Variants in TLL1 observed in about 807,000 individuals in gnomAD.
TLL1 encodes the protein tolloid like 1.
Under a neutral mutation model 128.2 loss-of-function variants are expected in TLL1, and 49 were observed. The observed-to-expected ratio is 0.38, with a 90% CI of 0.30 to 0.48. The LOEUF (loss-of-function observed/expected upper bound fraction) is 0.48. Among genes scored for constraint, TLL1 ranks in the 20% least tolerant of loss-of-function variants. The pLI is 0.96. For synonymous variants in TLL1, 454 were observed against 418.8 expected (o/e 1.08, Z -1.03); for missense variants, 1,123 against 1,242.0 (o/e 0.90, Z 1.44).
chr4:166,013,780 C>G (rs1262975821), intron 7 of TLL1, among the ~76,000 whole-genome samples: 1 of 151,802 alleles, frequency 6.6e-6, no homozygotes, highest in East Asian at 1.9e-4. Context: ...TCCCAAACAA[C>G]TCACTATCTG....
chr4:165,974,289 C>T (rs186165797), intron 1 of TLL1, among the ~76,000 whole-genome samples: 3,630 of 142,304 alleles, frequency 0.026, 129 homozygotes, highest in Non-Finnish European at 0.038. Context: ...TACAGGCGCC[C>T]GCCACTACGC....
intron 1 of TLL1, among the ~76,000 whole-genome samples, chr4:165,968,745 G>A (rs371383753): frequency 2.4e-4 from 36 of 152,082 alleles, no homozygotes; most frequent in Admixed American, 5.2e-4. Flanking sequence ...CCAAAATGTC[G>A]TTTTTTTCTA....
intron 1 of TLL1, among the ~76,000 whole-genome samples, chr4:165,980,752 G>A (rs1324199897): frequency 1.3e-5 from 2 of 152,060 alleles, no homozygotes; most frequent in Non-Finnish European, 2.9e-5. Flanking sequence ...AAGTTGTTAA[G>A]AGAGCCTACT....
intron 1 of TLL1, 86 bp from the exon 2 acceptor site, chr4:165,989,294 AT>A: frequency 9.8e-7 from 1 of 1,016,658 alleles, no homozygotes; most frequent in East Asian, 2.5e-5. Context: ...ACGTTTCCAT[AT>A]TTTTAACAAT....
intron 13 of TLL1, among the ~76,000 whole-genome samples, chr4:166,056,449 A>G (rs1740011518): frequency 2.0e-5 from 3 of 151,898 alleles, no homozygotes; most frequent in Admixed American, 2.0e-4. Context: ...TACAGTATGT[A>G]TATTTATTAA....
At chr4:166,029,988 T>A (rs886271492) in intron 9 of TLL1, among the ~76,000 whole-genome samples, 1 of 152,086 alleles carries the variant, frequency 6.6e-6, no homozygotes, top group African/African-American at 2.4e-5. Context: ...TGTTTTCAAG[T>A]ATTTTGATTA....
In TLL1 at chr4:166,100,723, T is replaced by C. The variant is rs1261714781; in HGVS notation, c.2908-19T>C. ...TTTTATTGCTTGTTTACTTGCTTGT[T>C]GTTTTTGTTTTCCTTCAGCCACCAG... On this transcript the variant is annotated intron_variant, in intron 20 of 20. Coordinates refer to ENST00000061240, the MANE Select transcript of TLL1 (RefSeq NM_012464.5). 13 of 1,612,416 alleles carry C rather than the reference T, an allele frequency of 8.1e-6. No homozygotes were observed. Among genetic ancestry groups the C allele is most frequent in the Non-Finnish European group, 1.0e-5 (12 of 1,179,018 alleles).
intron 7 of TLL1, 55 bp downstream of exon 7, chr4:166,008,103 C>A: frequency 1.6e-6 from 2 of 1,290,190 alleles, no homozygotes; most frequent in Non-Finnish European, 2.3e-6. Flanking sequence ...CCATGTGGCT[C>A]CTCACAAAGC....
Position 165,994,447 on chromosome 4 carries a change from A to G in TLL1, c.428A>G (p.Asn143Ser), listed in dbSNP as rs1286653471. ...PLQFSGQNEK[N>S]RVPRAATSRT... ...CAATTCTCAGGGCAAAATGAGAAAA[A>G]TCGAGTTCCCAGAGCCGCTACATCA... The change falls in exon 4 of 21, where the codon AAT becomes AGT. Residue 143 changes from asparagine to serine, a missense_variant. By Grantham distance (46) the Asn-to-Ser change is conservative (BLOSUM62 1). This residue lies in a region of TLL1 where 480 missense variants were observed against 542.4 expected (regional missense o/e 0.89). Coordinates refer to ENST00000061240, the MANE Select transcript of TLL1 (RefSeq NM_012464.5). 12 of 1,613,934 alleles carry G rather than the reference A, an allele frequency of 7.4e-6. No homozygotes were observed. Among genetic ancestry groups the G allele is most frequent in the South Asian group, 6.6e-5 (6 of 91,086 alleles).
Position 166,043,395 on chromosome 4 carries a change from C to T in TLL1, c.1500C>T (p.Val500=). The T allele has an allele frequency of 6.2e-7, 1 of 1,614,084 alleles. No homozygotes were observed. Among genetic ancestry groups the T allele is most frequent in the Non-Finnish European group, 8.5e-7 (1 of 1,179,966 alleles). ...TAACAGTGTCTGAGAGCTACCACGT[C>T]GGGCTGACCTTTCAGTCCTTTGAGG... is the stretch of plus-strand genomic sequence containing the variant. ...WKITVSESYH[V]GLTFQSFEIE... Residue 500 remains valine (V), a synonymous_variant, in exon 12 of 21, where the codon GTC becomes GTT. Coordinates refer to ENST00000061240, the MANE Select transcript of TLL1 (RefSeq NM_012464.5).
At chr4:165,962,144 T>G (rs1254443998) in intron 1 of TLL1, among the ~76,000 whole-genome samples, 1 of 152,166 alleles carries the variant, frequency 6.6e-6, no homozygotes, top group African/African-American at 2.4e-5. Flanking sequence ...AAGAAGCTTA[T>G]GGAGTGGGAG....
intron 1 of TLL1, among the ~76,000 whole-genome samples, chr4:165,965,609 G>C (rs559372086): frequency 1.5e-4 from 23 of 152,304 alleles, no homozygotes; most frequent in African/African-American, 5.5e-4. Context: ...AATGGCTGGA[G>C]AGAAGTACCC....
At chr4:165,960,487 A>G (rs1364798332) in intron 1 of TLL1, among the ~76,000 whole-genome samples, 2 of 152,154 alleles carry the variant, frequency 1.3e-5, no homozygotes, top group Admixed American at 1.3e-4. Context: ...TCCTGATACC[A>G]AAATCTGGCA....
chr4:166,052,907 T>TATATATATATA (rs547319016), intron 12 of TLL1, among the ~76,000 whole-genome samples: 1 of 141,214 alleles, frequency 7.1e-6, no homozygotes, highest in African/African-American at 2.7e-5. Context: ...GTTCTCATAT[T>TATATATATATA]TATAGAGAAC....
chr4:166,065,985 CAAA>C lies in TLL1; in HGVS notation c.2188+123_2188+125del. 1.3e-5 allele frequency: 9 copies of C among 695,240 alleles called. 1 individual carries two copies. Among genetic ancestry groups the C allele is most frequent in the Admixed American group, 2.4e-5 (1 of 41,608 alleles). The allele number at this position is 695,240 out of a possible 1,614,324, so 43.1% of individuals were successfully genotyped here. A position where few individuals can be genotyped will look rare whatever the true frequency, so the allele number is the denominator to read the frequency against. On this transcript the variant is annotated intron_variant, in intron 16 of 20. Transcript: ENST00000061240. ...GCAACTTGAAGATAAGTAGGCCTTA[CAAA>C]CAACACAAAAATAATTATAGCAATA...
intron 12 of TLL1, among the ~76,000 whole-genome samples, chr4:166,051,481 T>C (rs1265058880): frequency 1.3e-5 from 2 of 152,188 alleles, no homozygotes; most frequent in African/African-American, 4.8e-5. Context: ...TATTTATTTC[T>C]ATCCATTCCA....
intron 6 of TLL1, among the ~76,000 whole-genome samples, chr4:166,006,165 A>G (rs1215463039): frequency 2.0e-5 from 3 of 151,892 alleles, no homozygotes; most frequent in South Asian, 4.1e-4. Context: ...AGTGATTATG[A>G]TAGGAACCAA....
At chr4:165,968,058 A>G (rs1735471330) in intron 1 of TLL1, among the ~76,000 whole-genome samples, 3 of 152,196 alleles carry the variant, frequency 2.0e-5, no homozygotes, top group Admixed American at 2.0e-4. Flanking sequence ...ACCCTCACAG[A>G]GTTGTTAAGA....
In TLL1 at chr4:166,100,913, T is replaced by C. The variant is rs758850115; in HGVS notation, c.*37T>C. On this transcript the variant is annotated 3_prime_UTR_variant, in exon 21 of 21. Coordinates refer to ENST00000061240, the MANE Select transcript of TLL1 (RefSeq NM_012464.5). ...CTGTCAGAACACAAAGGAATGTGCA[T>C]AATGGAGAGAAGACATATTTTTTTT... The C allele has an allele frequency of 6.8e-6, 11 of 1,609,576 alleles. No individual in the cohort carries two copies. The highest frequency in any genetic ancestry group is 9.3e-6 in the Non-Finnish European group (11 of 1,177,574).
Sources: gnomAD v4.1 joint callset for allele counts (sites outside exome capture counted in the v4.1 genomes callset) on GRCh38, gnomAD v4.1.1 for gene constraint, gnomAD v4.1.1 regional missense constraint, MANE v1.5 for transcripts, NCBI Gene and HGNC (gene_info 2026-07-23, HGNC 2026-07-21) for gene names.